TEX26: variants seen among roughly 807,000 people sequenced by gnomAD.
The protein encoded by TEX26 is testis-expressed protein 26.
A neutral mutation model predicts 35.3 loss-of-function variants in TEX26; 34 were observed. That is an observed-to-expected ratio of 0.96 (90% CI 0.73 to 1.28). TEX26 has a LOEUF of 1.28. Among genes scored for constraint, TEX26 ranks in the 50% most tolerant of loss-of-function variants. The probability of loss-of-function intolerance (pLI) is 0.00; values close to 1 mark genes in which losing one functional copy is unlikely to be tolerated. For synonymous variants in TEX26, 136 were observed against 111.8 expected, an observed-to-expected ratio of 1.22 and a Z score of -1.36; for missense variants, 371 against 330.1, an observed-to-expected ratio of 1.12 and a Z score of -0.96.
chr13:30,972,708 C>T (rs934953761), intron 6 of TEX26, among the ~76,000 whole-genome samples: 1 of 152,232 alleles, frequency 6.6e-6, no homozygotes, highest in African/African-American at 2.4e-5. Flanking sequence ...GATATTGGCT[C>T]ACTGCAACGT....
chr13:30,955,029 C>T (rs1018221345), intron 3 of TEX26, among the ~76,000 whole-genome samples: 3 of 152,130 alleles, frequency 2.0e-5, no homozygotes, highest in Non-Finnish European at 2.9e-5. Flanking sequence ...AGAAAAACAA[C>T]GATGTATTAT....
intron 2 of TEX26, among the ~76,000 whole-genome samples, chr13:30,947,686 CA>C (rs1049151347): frequency 9.2e-5 from 14 of 152,166 alleles, no homozygotes; most frequent in Non-Finnish European, 1.9e-4. Flanking sequence ...TTTCTATGTT[CA>C]AAAAGGATTT....
intron 2 of TEX26, among the ~76,000 whole-genome samples, chr13:30,942,596 T>A (rs141821739): frequency 7.9e-5 from 12 of 152,298 alleles, no homozygotes; most frequent in Admixed American, 2.0e-4. Context: ...CCTAGGCCAA[T>A]GTCCAGAAGA....
rs1037474980 is a variant in TEX26 at position 30,932,979 on chromosome 13, T to C, written c.61+203T>C. ...CCTTTTCAGTCCTTCGCATAACCTT[T>C]GCCAAATCCCCGCTCCCTAAAACGC... On this transcript the variant is annotated intron_variant, in intron 1 of 6. Transcript: ENST00000380473. 9.7e-6 allele frequency: 5 copies of C among 512,918 alleles called. No individual in the cohort carries two copies. The East Asian group carries it at 1.5e-4, about 15-fold the overall frequency. The allele number at this position is 512,918 out of a possible 1,614,324, so 31.8% of individuals were successfully genotyped here. A position where few individuals can be genotyped will look rare whatever the true frequency, so the allele number is the denominator to read the frequency against.
chr13:30,975,080 A>C lies in TEX26; in HGVS notation c.*173A>C, dbSNP rs113015174. On this transcript the variant is annotated 3_prime_UTR_variant, in exon 7 of 7. Transcript: ENST00000380473. ...GCTTTATTTTTAAACAATAAAATTA[A>C]GGCTACAAAATTTTCCCTGAACATA... The C allele has an allele frequency of 5.0e-5, 24 of 480,334 alleles. No individual in the cohort carries two copies. Among genetic ancestry groups the C allele is most frequent in the African/African-American group, 4.9e-4 (24 of 49,016 alleles). 29.8% of individuals were successfully genotyped at this position (480,334 alleles called of 1,614,324 possible).
intron 6 of TEX26, among the ~76,000 whole-genome samples, chr13:30,972,922 C>G (rs959241563): frequency 2.0e-5 from 3 of 152,250 alleles, no homozygotes; most frequent in Non-Finnish European, 2.9e-5. Context: ...CAGGCATGAG[C>G]CACTGTGCCC....
intron 6 of TEX26, among the ~76,000 whole-genome samples, chr13:30,972,791 C>T (rs1274070618): frequency 6.6e-6 from 1 of 152,224 alleles, no homozygotes; most frequent in African/African-American, 2.4e-5. Context: ...TGCACCACCA[C>T]GCCCAGCTAA....
intron 2 of TEX26, among the ~76,000 whole-genome samples, chr13:30,948,723 G>A (rs1467819695): frequency 6.6e-6 from 1 of 152,038 alleles, no homozygotes; most frequent in Non-Finnish European, 1.5e-5. Flanking sequence ...TTCTTTTGCT[G>A]TGCAGAAGCT....
At chr13:30,970,356 G>A (rs1451698276) in intron 6 of TEX26, among the ~76,000 whole-genome samples, 1 of 152,104 alleles carries the variant, frequency 6.6e-6, no homozygotes, top group Non-Finnish European at 1.5e-5. Flanking sequence ...TACATTTTCT[G>A]TTGAGATAAA....
chr13:30,938,656 C>T (rs1476086063), intron 1 of TEX26, among the ~76,000 whole-genome samples: 1 of 152,192 alleles, frequency 6.6e-6, no homozygotes, highest in African/African-American at 2.4e-5. Flanking sequence ...CAATACACAA[C>T]ATTTGGGGGA....
intron 2 of TEX26, 84 bp downstream of exon 2, chr13:30,939,862 C>T (rs934797980): frequency 1.6e-6 from 2 of 1,242,072 alleles, no homozygotes; most frequent in African/African-American, 3.0e-5. Flanking sequence ...AACACATAGA[C>T]AGTAATTAGA....
At chr13:30,950,513 CT>C (rs1953880386) in intron 2 of TEX26, among the ~76,000 whole-genome samples, 1 of 152,180 alleles carries the variant, frequency 6.6e-6, no homozygotes, top group Non-Finnish European at 1.5e-5. Context: ...AAATGCCTAT[CT>C]TTAAATGTGG....
intron 4 of TEX26, among the ~76,000 whole-genome samples, chr13:30,963,914 T>C (rs187375933): frequency 4.1e-4 from 63 of 152,274 alleles, no homozygotes; most frequent in Admixed American, 1.6e-3. Flanking sequence ...TCCATCATTG[T>C]TCATGTGGAA....
intron 1 of TEX26, chr13:30,933,387 G>C (rs1953147443): frequency 6.6e-6 from 1 of 152,330 alleles, no homozygotes; most frequent in African/African-American, 2.4e-5. Context: ...AGATGCAGCA[G>C]GTTCACCAGT....
intron 6 of TEX26, among the ~76,000 whole-genome samples, chr13:30,969,533 A>C (rs1262196880): frequency 1.3e-5 from 2 of 152,204 alleles, no homozygotes. Context: ...ACATGACAAA[A>C]GACTTATCCT....
At chr13:30,974,802 A>G (rs1353947218) in intron 6 of TEX26, 44 bp from the exon 7 acceptor site, 4 of 1,490,166 alleles carry the variant, frequency 2.7e-6, no homozygotes, top group Non-Finnish European at 3.6e-6. Flanking sequence ...TCATTTAAAT[A>G]CTTACGTGAA....
chr13:30,936,384 G>T (rs769412737), intron 1 of TEX26, among the ~76,000 whole-genome samples: 5 of 152,136 alleles, frequency 3.3e-5, no homozygotes, highest in Non-Finnish European at 7.4e-5. Flanking sequence ...GCTATTTGTT[G>T]TGTCTCATCT....
chr13:30,974,028 G>A (rs1248525359), intron 6 of TEX26, among the ~76,000 whole-genome samples: 1 of 150,430 alleles, frequency 6.6e-6, no homozygotes, highest in African/African-American at 2.5e-5. Context: ...GGCTGAGGGA[G>A]GAGAATTGCT....
At chr13:30,970,747 G>A (rs543307358) in intron 6 of TEX26, among the ~76,000 whole-genome samples, 77 of 152,262 alleles carry the variant, frequency 5.1e-4, no homozygotes, top group Non-Finnish European at 9.0e-4. Context: ...CTCTTACTGT[G>A]TGTCAGGTGC....
Sources: gnomAD v4.1 joint callset for allele counts (sites outside exome capture counted in the v4.1 genomes callset) on GRCh38, gnomAD v4.1.1 for gene constraint, MANE v1.5 for transcripts, NCBI Gene and HGNC (gene_info 2026-07-23, HGNC 2026-07-21) for gene names.